The following PSG7 variants were observed in gnomAD, a reference collection of about 807,000 sequenced individuals.
PSG7 encodes pregnancy specific beta-1-glycoprotein 7.
In PSG7, 57 loss-of-function variants were observed where a neutral mutation model predicts 45.6. That is an observed-to-expected ratio of 1.25 (90% confidence interval 1.01 to 1.56). The LOEUF (loss-of-function observed/expected upper bound fraction) is 1.56, where lower values mean the gene tolerates loss of function less well. PSG7 is among the 40% of genes most tolerant of loss of function. The pLI is 0.00. For synonymous variants in PSG7, 298 were observed against 194.4 expected (o/e 1.53, Z -4.43); for missense variants, 796 against 508.4 (o/e 1.57, Z -5.44).
intron 2 of PSG7, among the ~76,000 whole-genome samples, chr19:42,933,364 C>A (rs1322116533): frequency 5.8e-5 from 7 of 120,592 alleles, no homozygotes; most frequent in African/African-American, 2.2e-4. Context: ...ACTTGTCTGG[C>A]AATTATAAGA....
intron 3 of PSG7, 153 bp downstream of exon 3, chr19:42,929,289 T>A: frequency 6.5e-7 from 1 of 1,526,818 alleles, no homozygotes; most frequent in Non-Finnish European, 8.9e-7. Flanking sequence ...CTAGGCCTAC[T>A]CTGGTTTGCC....
chr19:42,927,313 T>G (rs1485276770), intron 3 of PSG7: 5 of 157,924 alleles, frequency 3.2e-5, no homozygotes, highest in South Asian at 1.9e-4. Flanking sequence ...GTGGGGCAGT[T>G]TTTTGCAGGT....
chr19:42,926,110 C>G (rs1419311641), intron 4 of PSG7, 83 bp from the exon 5 acceptor site: 2 of 1,554,328 alleles, frequency 1.3e-6, no homozygotes, highest in Admixed American at 3.6e-5. Flanking sequence ...CAGAGTGACC[C>G]TCTGAGCCGA....
intron 3 of PSG7, chr19:42,927,082 C>G (rs1972911839): frequency 9.7e-6 from 3 of 308,026 alleles, no homozygotes; most frequent in Non-Finnish European, 1.8e-5. Flanking sequence ...TGGGCCCTTT[C>G]CAAATTGCAT....
chr19:42,934,055 T>C (rs1022834927), intron 2 of PSG7, among the ~76,000 whole-genome samples: 1 of 151,436 alleles, frequency 6.6e-6, no homozygotes, highest in Non-Finnish European at 1.5e-5. Context: ...CTCCTGAGTA[T>C]GTGTCTCTGG....
chr19:42,937,160 T>C lies in PSG7; in HGVS notation c.-84A>G. ...CTGAGCACGGCTGTCAGCTGTGCTG[T>C]CCTTCCTCCTTCTGCACTGAGCCTC... On this transcript the variant is annotated 5_prime_UTR_variant, in exon 1 of 6. Coordinates refer to ENST00000406070, the MANE Select transcript of PSG7 (RefSeq NM_002783.3). 1 of 1,537,190 alleles carries C rather than the reference T, an allele frequency of 6.5e-7. No homozygotes were observed. Among genetic ancestry groups the C allele is most frequent in the Non-Finnish European group, 8.9e-7 (1 of 1,123,580 alleles).
At position 42,931,962 on chromosome 19, in the gene PSG7, T is replaced by G. The variant is rs539389685; in HGVS notation, c.431-2242A>C. On this transcript the variant is annotated intron_variant, in intron 2 of 5. Transcript: ENST00000406070. ...TCTATTGACACATTCTCAAGCTAGG[T>G]ATTCTTTCCACAGCTGTGTGCAGTC... is the stretch of plus-strand genomic sequence containing the variant. Among the ~76,000 whole-genome samples the G allele has an allele frequency of 7.9e-5, 12 of 151,694 alleles. No individual in the cohort carries two copies. In the East Asian group the frequency reaches 1.4e-3, roughly 17 times the overall value.
chr19:42,925,350 C>A, intron 5 of PSG7: 1 of 375,082 alleles, frequency 2.7e-6, no homozygotes. Flanking sequence ...CTGGGGCATT[C>A]AGGTAGAGAG....
intron 3 of PSG7, chr19:42,927,654 T>A (rs1381646616): frequency 6.6e-6 from 1 of 151,648 alleles, no homozygotes. Context: ...ATATTTTCTT[T>A]CACTGGACAT....
intron 4 of PSG7, 184 bp downstream of exon 4, chr19:42,926,254 C>A: frequency 7.1e-7 from 1 of 1,405,936 alleles, no homozygotes; most frequent in Non-Finnish European, 9.5e-7. Context: ...CCCTTATATT[C>A]TTGGTTAAGG....
Position 42,935,671 on chromosome 19 carries a change from C to G in PSG7, c.163G>C (p.Val55Leu). The G allele has an allele frequency of 5.0e-6, 8 of 1,612,012 alleles. No homozygotes were observed. Among genetic ancestry groups the G allele is most frequent in the Non-Finnish European group, 6.8e-6 (8 of 1,179,096 alleles). ...GTAAGATTCTGGGGCAAATTGTGGA[C>G]AAGTAGAAGAACATCCTTCCCCTCG... is the stretch of plus-strand genomic sequence containing the variant. The part of the protein sequence containing the change: ...VSEGKDVLLL[V>L]HNLPQNLTGY... The change falls in exon 2 of 6, where the codon GTC (valine) becomes CTC (leucine). Residue 55 changes from valine to leucine, a missense_variant. Coordinates refer to ENST00000406070, the MANE Select transcript of PSG7 (RefSeq NM_002783.3).
intron 1 of PSG7, among the ~76,000 whole-genome samples, 175 bp downstream of exon 1, chr19:42,936,838 A>G (rs1441137828): frequency 6.6e-6 from 1 of 151,272 alleles, no homozygotes; most frequent in African/African-American, 2.4e-5. Flanking sequence ...TAGTACAGAC[A>G]GGGCTACATT....
chr19:42,933,798 C>T (rs1370598455), intron 2 of PSG7, among the ~76,000 whole-genome samples: 3 of 151,062 alleles, frequency 2.0e-5, no homozygotes, highest in African/African-American at 7.3e-5. Context: ...AAGGTGCCCC[C>T]ATTTCCACAG....
chr19:42,933,284 TATATATATATATA>T (rs1438358873), intron 2 of PSG7, among the ~76,000 whole-genome samples: 5 of 8,352 alleles, frequency 6.0e-4, no homozygotes, highest in South Asian at 0.013. Flanking sequence ...TATATATATA[TATATATATATATA>T]TATATATATA....
At position 42,926,706 on chromosome 19, in the gene PSG7, G is replaced by C. The variant is rs1260280424; in HGVS notation, c.720C>G (p.Pro240=). The change falls in exon 4 of 6, where the codon CCC becomes CCG. Residue 240 remains proline (P), a synonymous_variant. Transcript: ENST00000406070. ...AGTTATTGATGGTGATGTAGGGCTTGGGCAGCTTCGCTGTGTGAATAACAG... is the reference window on the plus strand; with the variant it reads ...AGTTATTGATGGTGATGTAGGGCTTCGGCAGCTTCGCTGTGTGAATAACAG... The part of the protein sequence containing the change: ...PVTLNLLPKL[P]KPYITINNLN... The C allele has an allele frequency of 6.2e-7, 1 of 1,610,330 alleles. No homozygotes were observed. Among genetic ancestry groups the C allele is most frequent in the Admixed American group, 1.7e-5 (1 of 59,864 alleles).
chr19:42,926,970 CA>C, intron 3 of PSG7: 1 of 696,142 alleles, frequency 1.4e-6, no homozygotes, highest in Non-Finnish European at 2.2e-6. Flanking sequence ...CATGGACAGA[CA>C]TGTCAGTGGG....
chr19:42,926,811 C>T (rs1439402313), intron 3 of PSG7, 95 bp from the exon 4 acceptor site: 1 of 1,553,040 alleles, frequency 6.4e-7, no homozygotes, highest in Non-Finnish European at 8.7e-7. Context: ...CACCTGTCAA[C>T]ACGTGTGAGT....
chr19:42,935,387 C>A lies in PSG7; in HGVS notation c.430+17G>T, dbSNP rs782643518. ...CCCCTGCCCCCCAACACCCAGGGACCATGTGGAATCACTCACGGTATAAGG... is the reference window on the plus strand; with the variant it reads ...CCCCTGCCCCCCAACACCCAGGGACAATGTGGAATCACTCACGGTATAAGG... On this transcript the variant is annotated intron_variant, in intron 2 of 5. Transcript: ENST00000406070. 11 of 1,610,992 alleles carry A rather than the reference C, an allele frequency of 6.8e-6. 2 individuals are homozygous for A. In the South Asian group the frequency reaches 1.2e-4, roughly 18 times the overall value.
intron 2 of PSG7, among the ~76,000 whole-genome samples, chr19:42,933,939 C>A (rs1480126760): frequency 6.6e-6 from 1 of 151,398 alleles, no homozygotes. Context: ...GGACAAGGGA[C>A]AGGTGTGGCT....
Sources: gnomAD v4.1 joint callset for allele counts (sites outside exome capture counted in the v4.1 genomes callset) on GRCh38, gnomAD v4.1.1 for gene constraint, MANE v1.5 for transcripts, NCBI Gene and HGNC (gene_info 2026-07-23, HGNC 2026-07-21) for gene names.